Variants in HTT observed in about 807,000 individuals in gnomAD.
HTT encodes the protein huntington disease protein.
HTT carries 104 observed loss-of-function variants against 362.3 expected under a neutral mutation model. That is an observed-to-expected ratio of 0.29 (90% CI 0.24 to 0.34). The LOEUF is 0.34. Among genes scored for constraint, HTT ranks in the 10% least tolerant of loss-of-function variants. The probability of loss-of-function intolerance (pLI) is 1.00; values close to 1 mark genes in which losing one functional copy is unlikely to be tolerated. For synonymous variants in HTT, 1,577 were observed against 1,548.7 expected (o/e 1.02, Z -0.43); for missense variants, 3,301 against 3,928.6 (o/e 0.84, Z 4.27).
rs751237014 is a variant in HTT, at chr4:3,131,684, C to T, written c.2145C>T (p.Ala715=). The T allele has an allele frequency of 2.7e-5, 43 of 1,614,052 alleles. No individual in the cohort carries two copies. The Admixed American group carries it at 7.0e-4, about 26-fold the overall frequency. The change falls in exon 16 of 67, where the codon GCC becomes GCT. Residue 715 remains alanine (A), a synonymous_variant. Transcript: ENST00000355072. ...TGAGGGTCAGCGTGAAGGCCCTGGC[C>T]CTCAGCTGTGTGGGAGCAGCTGTGG... ...RDVRVSVKAL[A]LSCVGAAVAL...
chr4:3,210,083 T>C (rs759320796), intron 47 of HTT, 134 bp downstream of exon 47: 47 of 1,086,220 alleles, frequency 4.3e-5, no homozygotes, highest in Non-Finnish European at 6.0e-5. Flanking sequence ...GGACGGGATG[T>C]CGGAGAGACT....
rs768926204 is a variant in HTT, at chr4:3,233,181, C to G, written c.8284C>G (p.Pro2762Ala). The change falls in exon 61 of 67, where the codon CCT becomes GCT. Residue 2762 changes from proline (P) to alanine (A), a missense_variant. Around this residue, in one of 4 missense-constraint regions of HTT, gnomAD observed 753 missense variants for 1,021.3 expected, o/e 0.74. Transcript: ENST00000355072. ...VLGMDKAVAEPVSRLLESTLR... is the reference protein window; with the variant it reads ...VLGMDKAVAEAVSRLLESTLR... Reference sequence around the variant, plus strand: ...TGCCTAGGACAAGGCCGTGGCGGAGCCTGTCAGCCGCCTGCTGGAGAGCAC... The same window carrying G: ...TGCCTAGGACAAGGCCGTGGCGGAGGCTGTCAGCCGCCTGCTGGAGAGCAC... 3 of 1,589,172 alleles carry G rather than the reference C, an allele frequency of 1.9e-6. No individual in the cohort carries two copies. The highest frequency in any genetic ancestry group is 2.3e-5 in the East Asian group (1 of 44,150).
At chr4:3,083,163 C>T (rs755594071) in intron 1 of HTT, among the ~76,000 whole-genome samples, 3 of 152,068 alleles carry the variant, frequency 2.0e-5, no homozygotes, top group African/African-American at 7.2e-5. Context: ...AGGTTAGAGA[C>T]GAGCGTCTTG....
chr4:3,136,310 G>A lies in HTT; in HGVS notation c.2782G>A (p.Ala928Thr), dbSNP rs369875192. Residue 928 changes from alanine (A) to threonine (T), a missense_variant, in exon 21 of 67, where the codon GCA becomes ACA. Transcript: ENST00000355072. ...DEDPRVRHVAAASLIRLVPKL... is the reference protein window; with the variant it reads ...DEDPRVRHVATASLIRLVPKL... ...AGACCCCAGGGTGCGACATGTTGCC[G>A]CAGCATCACTAATTAGGTATTTACC... The A allele has an allele frequency of 1.1e-5, 18 of 1,586,990 alleles. No individual in the cohort carries two copies. In the South Asian group the frequency reaches 1.2e-4, roughly 11 times the overall value.
chr4:3,150,000 G>T (rs1716798709), intron 26 of HTT, among the ~76,000 whole-genome samples: 1 of 152,070 alleles, frequency 6.6e-6, no homozygotes, highest in Non-Finnish European at 1.5e-5. Flanking sequence ...CCCCCATCTT[G>T]AGTGTCCTCT....
intron 47 of HTT, among the ~76,000 whole-genome samples, 196 bp downstream of exon 47, chr4:3,210,145 G>C (rs1310105418): frequency 1.3e-5 from 2 of 152,134 alleles, no homozygotes; most frequent in Non-Finnish European, 2.9e-5. Context: ...AGATGGGGTC[G>C]GGACATGGGG....
Position 3,099,296 on chromosome 4 carries a change from C to T in HTT, c.370C>T (p.Leu124Phe). Reference sequence around the variant, plus strand: ...TAGAAATTCTCCAGAATTTCAGAAACTTCTGGGCATCGCTATGGAACTTTT... The same window carrying T: ...TAGAAATTCTCCAGAATTTCAGAAATTTCTGGGCATCGCTATGGAACTTTT... ...SVRNSPEFQKLLGIAMELFLL... is the reference protein window; with the variant it reads ...SVRNSPEFQKFLGIAMELFLL... Residue 124 changes from leucine to phenylalanine, a missense_variant, in exon 3 of 67, where the codon CTT becomes TTT. By Grantham distance (22) the Leu-to-Phe change is conservative. Transcript: ENST00000355072. 17 of 1,613,558 alleles carry T rather than the reference C, an allele frequency of 1.1e-5. No homozygotes were observed. The highest frequency in any genetic ancestry group is 1.4e-5 in the Non-Finnish European group (16 of 1,179,502).
At position 3,209,872 on chromosome 4, in the gene HTT, G is replaced by C; in HGVS notation, c.6337G>C (p.Asp2113His). 1.2e-6 allele frequency: 2 copies of C among 1,614,186 alleles called. No homozygotes were observed. The highest frequency in any genetic ancestry group is 1.7e-6 in the Non-Finnish European group (2 of 1,180,006). The change falls in exon 47 of 67, where the codon GAT becomes CAT. Residue 2113 changes from aspartate (D) to histidine (H), a missense_variant. Coordinates refer to ENST00000355072, the MANE Select transcript of HTT (RefSeq NM_001388492.1). The stretch of plus-strand genomic sequence containing the variant: ...CAAATCCCAGTGTTGGACCAGGTCA[G>C]ATTCTGCACTGCTGGAAGGTGCAGA... ...LVKSQCWTRS[D>H]SALLEGAELV...
chr4:3,199,373 A>G (rs1259684459), intron 40 of HTT, among the ~76,000 whole-genome samples: 1 of 152,056 alleles, frequency 6.6e-6, no homozygotes, highest in Non-Finnish European at 1.5e-5. Flanking sequence ...AACCCCCTCT[A>G]TACTAAAAAT....
intron 3 of HTT, among the ~76,000 whole-genome samples, chr4:3,102,998 G>C (rs930119354): frequency 1.3e-5 from 2 of 151,982 alleles, no homozygotes; most frequent in African/African-American, 4.8e-5. Flanking sequence ...GTGAGGAGGG[G>C]CCACACCTGC....
At chr4:3,075,139 G>A (rs1046904726) in intron 1 of HTT, 51 bp downstream of exon 1, 2 of 1,203,554 alleles carry the variant, frequency 1.7e-6, no homozygotes, top group Admixed American at 4.4e-5. Flanking sequence ...CCAGGCTACG[G>A]CGGGGATGGC....
At chr4:3,189,119 G>A in intron 40 of HTT, 26 bp downstream of exon 40, 1 of 1,611,046 alleles carries the variant, frequency 6.2e-7, no homozygotes, top group Non-Finnish European at 8.5e-7. Context: ...TAGTCTTCCT[G>A]GAGTGTCTCG....
chr4:3,170,521 T>C (rs2110229461), intron 29 of HTT, among the ~76,000 whole-genome samples: 1 of 152,264 alleles, frequency 6.6e-6, no homozygotes, highest in Non-Finnish European at 1.5e-5. Context: ...CACACACATA[T>C]CTCTGCTGAG....
intron 21 of HTT, 26 bp downstream of exon 21, chr4:3,136,352 TCCTTTTTTGGTTGAAGTACTAAA>T: frequency 7.5e-7 from 1 of 1,334,652 alleles, no homozygotes; most frequent in Non-Finnish European, 1.1e-6. Context: ...TTATCTCTTT[TCCTTTTTTGGTTGAAGTACTAAA>T]AGATACGAGA....
At chr4:3,075,152 T>C in intron 1 of HTT, 64 bp downstream of exon 1, 2 of 1,191,606 alleles carry the variant, frequency 1.7e-6, no homozygotes, top group Non-Finnish European at 2.1e-6. Flanking sequence ...GGGATGGCGG[T>C]AACCCTGCAG....
At position 3,136,259 on chromosome 4, in the gene HTT, G is replaced by A. The variant is rs575417138; in HGVS notation, c.2731G>A (p.Val911Ile). Residue 911 changes from valine (V) to isoleucine (I), a missense_variant, in exon 21 of 67, where the codon GTT (valine) becomes ATT (isoleucine). Physicochemically the swap from Val to Ile is conservative, Grantham distance 29. Coordinates refer to ENST00000355072, the MANE Select transcript of HTT (RefSeq NM_001388492.1). ...ACTGCAAGAACGAGTGCTCAATAAT[G>A]TTGTCATCCATTTGCTTGGAGATGA... ...LKLQERVLNN[V>I]VIHLLGDEDP... is the part of the protein sequence containing the mutation. The A allele has an allele frequency of 3.8e-5, 62 of 1,612,052 alleles. No homozygotes were observed. Among genetic ancestry groups the A allele is most frequent in the Non-Finnish European group, 5.0e-5 (59 of 1,178,334 alleles).
intron 28 of HTT, among the ~76,000 whole-genome samples, chr4:3,157,905 A>G (rs1717229448): frequency 6.6e-6 from 1 of 151,974 alleles, no homozygotes; most frequent in Admixed American, 6.6e-5. Context: ...AGTTACTTAC[A>G]TTCTCATAGT....
intron 6 of HTT, among the ~76,000 whole-genome samples, chr4:3,114,859 T>C (rs1480780192): frequency 6.6e-6 from 1 of 152,242 alleles, no homozygotes; most frequent in Admixed American, 6.5e-5. Context: ...ATTGCAGATA[T>C]TTCCGATCGA....
chr4:3,088,937 T>G (rs1315670505), intron 2 of HTT, among the ~76,000 whole-genome samples: 5 of 152,212 alleles, frequency 3.3e-5, no homozygotes, highest in African/African-American at 9.7e-5. Flanking sequence ...AATGAGCATA[T>G]GTCCTGAAAA....
Sources: allele counts gnomAD v4.1 joint callset (sites outside exome capture counted in the v4.1 genomes callset), GRCh38; gene constraint gnomAD v4.1.1; regional missense constraint gnomAD v4.1.1; transcripts MANE v1.5; gene names NCBI Gene and HGNC (gene_info 2026-07-23, HGNC 2026-07-21).